Variants in AGBL1 observed in about 807,000 individuals in gnomAD.
AGBL1 encodes the protein AGBL carboxypeptidase 1.
AGBL1 carries 130 observed loss-of-function variants against 118.9 expected under a neutral mutation model. The observed-to-expected ratio is 1.09, with a 90% CI of 0.95 to 1.26. The LOEUF is 1.26. Among genes scored for constraint, AGBL1 ranks in the 50% most tolerant of loss-of-function variants. The pLI, the probability that AGBL1 is intolerant of heterozygous loss-of-function variation, is 0.00. For missense variants in AGBL1, 1,584 were observed against 1,298.1 expected (o/e 1.22, Z -3.38); for synonymous variants, 555 against 478.9 (o/e 1.16, Z -2.08).
intron 23 of AGBL1, among the ~76,000 whole-genome samples, chr15:86,947,837 C>G (rs16978113): frequency 0.034 from 5,098 of 152,132 alleles, 299 homozygotes; most frequent in African/African-American, 0.11. Context: ...GATTATCTGA[C>G]GTTGTTTTTT....
chr15:86,471,845 A>C (rs1208100836), intron 18 of AGBL1, among the ~76,000 whole-genome samples: 7 of 152,222 alleles, frequency 4.6e-5, no homozygotes, highest in African/African-American at 1.7e-4. Flanking sequence ...TCTTGACCAT[A>C]GGAACCCACG....
chr15:86,212,131 A>G (rs1002049324), intron 5 of AGBL1, among the ~76,000 whole-genome samples: 2 of 152,220 alleles, frequency 1.3e-5, no homozygotes, highest in East Asian at 3.8e-4. Flanking sequence ...AACTGTTGCA[A>G]TCTATTCAAT....
At chr15:86,735,051 A>T (rs889082337) in intron 22 of AGBL1, among the ~76,000 whole-genome samples, 3 of 149,154 alleles carry the variant, frequency 2.0e-5, no homozygotes, top group Admixed American at 2.0e-4. Context: ...TGAAATAAAG[A>T]TGTTGTTTCT....
At chr15:86,973,541 C>T (rs113520443) in intron 23 of AGBL1, among the ~76,000 whole-genome samples, 1,618 of 151,918 alleles carry the variant, frequency 0.011, 26 homozygotes, top group African/African-American at 0.038. Flanking sequence ...GGAAAAAAAT[C>T]ACAAGTTGGC....
chr15:86,578,325 C>T (rs1284884543), intron 21 of AGBL1, among the ~76,000 whole-genome samples: 1 of 152,170 alleles, frequency 6.6e-6, no homozygotes, highest in Admixed American at 6.5e-5. Context: ...GCCAATTTCT[C>T]CCATTTAGAA....
At chr15:86,483,802 A>G (rs2082681708) in intron 18 of AGBL1, among the ~76,000 whole-genome samples, 1 of 152,158 alleles carries the variant, frequency 6.6e-6, no homozygotes, top group South Asian at 2.1e-4. Context: ...TAAAATAAAC[A>G]AACTTCTGCA....
intron 21 of AGBL1, among the ~76,000 whole-genome samples, chr15:86,611,459 G>A (rs576548098): frequency 3.3e-4 from 50 of 152,134 alleles, no homozygotes; most frequent in Non-Finnish European, 6.0e-4. Flanking sequence ...TTTGTCTGCA[G>A]AGTCATTCAG....
At chr15:86,577,402 A>T (rs1416137803) in intron 21 of AGBL1, among the ~76,000 whole-genome samples, 2 of 152,224 alleles carry the variant, frequency 1.3e-5, no homozygotes, top group Non-Finnish European at 2.9e-5. Flanking sequence ...TGTTAAAGAC[A>T]TTCAGTTTTA....
At chr15:86,569,157 C>T (rs976158427) in intron 21 of AGBL1, among the ~76,000 whole-genome samples, 3 of 152,032 alleles carry the variant, frequency 2.0e-5, no homozygotes, top group Admixed American at 6.6e-5. Flanking sequence ...TGCTGCTGGG[C>T]GCAATGGCTC....
At chr15:86,373,271 T>C (rs774240337) in intron 17 of AGBL1, among the ~76,000 whole-genome samples, 3 of 152,188 alleles carry the variant, frequency 2.0e-5, no homozygotes, top group Admixed American at 1.3e-4. Context: ...GTGCCTCTTA[T>C]AATGTGATTA....
intron 6 of AGBL1, among the ~76,000 whole-genome samples, chr15:86,247,188 G>A (rs1055903992): frequency 6.6e-6 from 1 of 152,056 alleles, no homozygotes; most frequent in African/African-American, 2.4e-5. Context: ...GCCTTTTATA[G>A]CAAAAGAAAA....
At chr15:86,186,690 T>C (rs555926414) in intron 5 of AGBL1, among the ~76,000 whole-genome samples, 21 of 152,344 alleles carry the variant, frequency 1.4e-4, no homozygotes, top group African/African-American at 5.0e-4. Flanking sequence ...GTATCATTAC[T>C]TTCAAGAATT....
intron 22 of AGBL1, among the ~76,000 whole-genome samples, chr15:86,836,396 A>G (rs1407629542): frequency 3.3e-5 from 5 of 152,164 alleles, no homozygotes; most frequent in African/African-American, 1.2e-4. Flanking sequence ...TAGCGTACCA[A>G]TTTACACTAT....
At chr15:86,844,715 G>A (rs1196863211) in intron 22 of AGBL1, among the ~76,000 whole-genome samples, 1 of 151,932 alleles carries the variant, frequency 6.6e-6, no homozygotes, top group African/African-American at 2.4e-5. Context: ...AATTTTGATG[G>A]CATCCAAAAT....
chr15:86,488,782 C>T (rs891214537), intron 18 of AGBL1, among the ~76,000 whole-genome samples: 1 of 152,066 alleles, frequency 6.6e-6, no homozygotes, highest in Non-Finnish European at 1.5e-5. Flanking sequence ...AAATGTTCAT[C>T]TTCCTTGAAC....
At chr15:86,587,310 A>G (rs118152207) in intron 21 of AGBL1, among the ~76,000 whole-genome samples, 1 of 152,250 alleles carries the variant, frequency 6.6e-6, no homozygotes, top group Non-Finnish European at 1.5e-5. Flanking sequence ...TCTGACCTCT[A>G]TGCTCCTTGG....
In AGBL1 at chr15:86,909,587, CAT is replaced by C. The variant is rs1311757538; in HGVS notation, c.*2296_*2297del. On this transcript the variant is annotated 3_prime_UTR_variant, in exon 23 of 23. Coordinates refer to ENST00000614907, the MANE Select transcript of AGBL1 (RefSeq NM_001386094.1). The stretch of plus-strand genomic sequence containing the variant: ...TATTAAGACATGTATGTTTATGTAA[CAT>C]ATGCAAGAAATTTGAAGACTATTAG... 2.0e-5 allele frequency: 3 copies of C among 152,152 alleles called. No individual in the cohort carries two copies. Among genetic ancestry groups the C allele is most frequent in the Admixed American group, 6.5e-5 (1 of 15,268 alleles). The allele number at this position is 152,152 out of a possible 1,614,324, so 9.4% of individuals were successfully genotyped here. A position where few individuals can be genotyped will look rare whatever the true frequency, so the allele number is the denominator to read the frequency against.
At chr15:86,639,570 TTAACTCA>T (rs1242680789) in intron 21 of AGBL1, among the ~76,000 whole-genome samples, 1 of 152,222 alleles carries the variant, frequency 6.6e-6, no homozygotes, top group Non-Finnish European at 1.5e-5. Flanking sequence ...TCCCATCTAC[TTAACTCA>T]TAAACTACAC....
At chr15:86,741,512 A>T (rs1267271773) in intron 22 of AGBL1, among the ~76,000 whole-genome samples, 1 of 151,162 alleles carries the variant, frequency 6.6e-6, no homozygotes, top group African/African-American at 2.4e-5. Context: ...AATAAATAGG[A>T]TAATGGATTT....
Sources: gnomAD v4.1 joint callset for allele counts (sites outside exome capture counted in the v4.1 genomes callset) on GRCh38, gnomAD v4.1.1 for gene constraint, MANE v1.5 for transcripts, NCBI Gene and HGNC (gene_info 2026-07-23, HGNC 2026-07-21) for gene names.